The following ATG10 variants were observed in gnomAD, a reference collection of about 807,000 sequenced individuals.
ATG10 encodes the protein ubiquitin-like-conjugating enzyme ATG10.
In ATG10, 30 loss-of-function variants were observed where a neutral mutation model predicts 32.1. That is an observed-to-expected ratio of 0.94 (90% CI 0.70 to 1.27). The LOEUF (loss-of-function observed/expected upper bound fraction) is 1.27. Ranked by LOEUF, ATG10 falls within the 50% of genes most tolerant of loss-of-function variation. ATG10 has a pLI of 0.00. For synonymous variants in ATG10, 87 were observed against 91.5 expected, an observed-to-expected ratio of 0.95 and a Z score of 0.28; for missense variants, 233 against 262.3, an observed-to-expected ratio of 0.89 and a Z score of 0.77.
intron 3 of ATG10, among the ~76,000 whole-genome samples, chr5:82,065,251 C>T (rs1326725779): frequency 3.3e-5 from 5 of 151,992 alleles, no homozygotes; most frequent in African/African-American, 9.7e-5. Context: ...TTTGGGAGGC[C>T]GAGTCGGGGC....
chr5:82,077,739 A>G (rs1161588326), intron 3 of ATG10, among the ~76,000 whole-genome samples: 3 of 152,220 alleles, frequency 2.0e-5, no homozygotes, highest in East Asian at 1.9e-4. Context: ...CCAGCACTTT[A>G]TAAAGCAAAA....
chr5:82,234,262 G>T (rs1746475646), intron 5 of ATG10, among the ~76,000 whole-genome samples: 1 of 152,176 alleles, frequency 6.6e-6, no homozygotes, highest in African/African-American at 2.4e-5. Flanking sequence ...TGCTGCGTTT[G>T]AATTACCTTT....
At chr5:82,110,261 G>T (rs1290777129) in intron 3 of ATG10, among the ~76,000 whole-genome samples, 4 of 151,972 alleles carry the variant, frequency 2.6e-5, no homozygotes, top group African/African-American at 4.8e-5. Context: ...AATAAACATA[G>T]GTGTGCATGT....
At position 82,159,794 on chromosome 5, in the gene ATG10, A is replaced by C. The variant is rs750478564; in HGVS notation, c.217-4605A>C. On this transcript the variant is annotated intron_variant, in intron 3 of 7. Coordinates refer to ENST00000282185, the MANE Select transcript of ATG10 (RefSeq NM_031482.5). ...ATTATTAGCACCATGAGGTCTTAAAAATTTTATTTAGTTTTTAACAAGCCT... is the reference window on the plus strand; with the variant it reads ...ATTATTAGCACCATGAGGTCTTAAACATTTTATTTAGTTTTTAACAAGCCT... 2.0e-5 allele frequency among the ~76,000 whole-genome samples: 3 copies of C among 152,066 alleles called. No homozygotes were observed. In the South Asian group the frequency reaches 6.2e-4, roughly 32 times the overall value.
intron 2 of ATG10, among the ~76,000 whole-genome samples, chr5:82,006,386 G>A (rs1423849852): frequency 2.0e-5 from 3 of 152,146 alleles, no homozygotes; most frequent in East Asian, 1.9e-4. Context: ...ATGAATTCCC[G>A]CATACCCATC....
intron 3 of ATG10, among the ~76,000 whole-genome samples, chr5:82,081,893 C>T (rs889662382): frequency 2.6e-5 from 4 of 152,132 alleles, no homozygotes; most frequent in African/African-American, 7.2e-5. Context: ...AGGGAGGATT[C>T]TGTCTTTTTC....
At chr5:82,176,638 A>C (rs1227675532) in intron 4 of ATG10, among the ~76,000 whole-genome samples, 1 of 152,154 alleles carries the variant, frequency 6.6e-6, no homozygotes, top group East Asian at 1.9e-4. Flanking sequence ...TGCATATTTC[A>C]AAGATGCATA....
intron 5 of ATG10, among the ~76,000 whole-genome samples, chr5:82,187,678 CG>C (rs1018755610): frequency 9.9e-5 from 15 of 151,250 alleles, no homozygotes; most frequent in African/African-American, 3.6e-4. Context: ...CTCTGCTTCC[CG>C]GGGGTTCAAG....
intron 3 of ATG10, among the ~76,000 whole-genome samples, chr5:82,088,954 G>A (rs1026868927): frequency 5.3e-5 from 8 of 152,198 alleles, no homozygotes; most frequent in African/African-American, 1.7e-4. Context: ...ATATGAAAAG[G>A]CAAAGGAACC....
intron 5 of ATG10, among the ~76,000 whole-genome samples, chr5:82,208,038 G>A (rs957011228): frequency 1.3e-5 from 2 of 151,966 alleles, no homozygotes; most frequent in African/African-American, 4.8e-5. Context: ...ATTTTTTCCC[G>A]ATATGGATAT....
chr5:82,013,318 T>C lies in ATG10; in HGVS notation c.108+25640T>C, dbSNP rs182303903. Among the ~76,000 whole-genome samples the C allele has an allele frequency of 4.7e-4, 72 of 152,288 alleles. No homozygotes were observed. The South Asian group carries it at 0.015, about 32-fold the overall frequency. On this transcript the variant is annotated intron_variant, in intron 2 of 7. Coordinates refer to ENST00000282185, the MANE Select transcript of ATG10 (RefSeq NM_031482.5). ...CCCACTTGTGAGTGAGAACATACGA[T>C]GTTTGGTTTTGCATTTCTGAGTTAC...
At position 82,158,361 on chromosome 5, in the gene ATG10, C is replaced by T. The variant is rs1420865646; in HGVS notation, c.217-6038C>T. Among the ~76,000 whole-genome samples the T allele has an allele frequency of 5.9e-5, 9 of 151,304 alleles. No individual in the cohort carries two copies. The East Asian group carries it at 1.5e-3, about 26-fold the overall frequency. ...TGAAATACAGCTGCCCCCCCGCCCC[C>T]CATCTCTGTGGGTTCCGTATCCATG... On this transcript the variant is annotated intron_variant, in intron 3 of 7. Coordinates refer to ENST00000282185, the MANE Select transcript of ATG10 (RefSeq NM_031482.5).
intron 2 of ATG10, among the ~76,000 whole-genome samples, chr5:81,988,494 C>T (rs372177868): frequency 6.6e-6 from 1 of 151,928 alleles, no homozygotes; most frequent in African/African-American, 2.4e-5. Flanking sequence ...AGTACAGTGG[C>T]GCAATCTCGG....
intron 3 of ATG10, among the ~76,000 whole-genome samples, chr5:82,136,805 T>C (rs1766774028): frequency 6.6e-6 from 1 of 152,200 alleles, no homozygotes; most frequent in African/African-American, 2.4e-5. Context: ...CTGAAGAGTG[T>C]TTTCCAACTT....
chr5:82,118,218 G>GA (rs143274898), intron 3 of ATG10, among the ~76,000 whole-genome samples: 1 of 150,174 alleles, frequency 6.7e-6, no homozygotes. Context: ...GTAATTAATA[G>GA]AAAAAATTAA....
At chr5:82,100,000 G>GCTTTTT (rs1765206299) in intron 3 of ATG10, among the ~76,000 whole-genome samples, 1 of 58,940 alleles carries the variant, frequency 1.7e-5, no homozygotes. Context: ...CTTTTTCTGT[G>GCTTTTT]TTTTTTTTTT....
At chr5:82,226,572 G>A (rs563724345) in intron 5 of ATG10, among the ~76,000 whole-genome samples, 4 of 152,138 alleles carry the variant, frequency 2.6e-5, no homozygotes, top group Non-Finnish European at 5.9e-5. Flanking sequence ...GATTATAATG[G>A]AAGCTTTATT....
intron 3 of ATG10, among the ~76,000 whole-genome samples, chr5:82,085,213 C>T (rs1490923035): frequency 1.3e-5 from 2 of 151,750 alleles, no homozygotes; most frequent in African/African-American, 4.8e-5. Flanking sequence ...TTTGAACTAA[C>T]AAAGATCAAA....
chr5:82,118,450 T>C (rs1232077113), intron 3 of ATG10, among the ~76,000 whole-genome samples: 1 of 139,140 alleles, frequency 7.2e-6, no homozygotes, highest in Non-Finnish European at 1.5e-5. Flanking sequence ...CTGGCTATAT[T>C]AATGTTCTCA....
Sources: allele counts gnomAD v4.1 joint callset (sites outside exome capture counted in the v4.1 genomes callset), GRCh38; gene constraint gnomAD v4.1.1; transcripts MANE v1.5; gene names NCBI Gene and HGNC (gene_info 2026-07-23, HGNC 2026-07-21).